The following NEB variants were observed in gnomAD, a reference collection of about 807,000 sequenced individuals.
NEB encodes nebulin, also known as nemaline myopathy type 2.
In NEB, 512 loss-of-function variants were observed where a neutral mutation model predicts 952.2. The ratio of observed to expected loss-of-function variants is 0.54; its 90% CI spans 0.50 to 0.58. The LOEUF (loss-of-function observed/expected upper bound fraction) is 0.58. Ranked by LOEUF, NEB falls within the 20% of genes least tolerant of loss-of-function variation. The probability of loss-of-function intolerance (pLI) is 0.00; values close to 1 mark genes in which losing one functional copy is unlikely to be tolerated. For missense variants in NEB, 8,428 were observed against 9,231.1 expected (o/e 0.91, Z 3.56); for synonymous variants, 2,900 against 3,149.8 (o/e 0.92, Z 2.66).
intron 31 of NEB, 45 bp from the exon 32 acceptor site, chr2:151,679,873 G>C: frequency 1.2e-6 from 2 of 1,605,824 alleles, no homozygotes; most frequent in Non-Finnish European, 8.5e-7. Flanking sequence ...GACTGTGTTA[G>C]TAAAGTCTGG....
chr2:151,516,676 C>T (rs1575823619), intron 156 of NEB, 113 bp from the exon 157 acceptor site: 1 of 727,776 alleles, frequency 1.4e-6, no homozygotes, highest in Non-Finnish European at 2.4e-6. Flanking sequence ...CATCTCATTG[C>T]CACTCAAAAC....
chr2:151,682,843 CA>C, intron 28 of NEB, 74 bp from the exon 29 acceptor site: 1 of 1,302,344 alleles, frequency 7.7e-7, no homozygotes, highest in Non-Finnish European at 1.1e-6. Flanking sequence ...AAGTTTTACC[CA>C]AAACAATGTT....
chr2:151,628,551 G>A (rs1261642888), intron 68 of NEB, among the ~76,000 whole-genome samples: 2 of 152,060 alleles, frequency 1.3e-5, no homozygotes, highest in Non-Finnish European at 2.9e-5. Context: ...ACAGAAGTCC[G>A]AATTTTCAGC....
chr2:151,505,889 A>C, intron 164 of NEB: 2 of 542,940 alleles, frequency 3.7e-6, no homozygotes, highest in Non-Finnish European at 3.3e-6. Context: ...AGATTGACAT[A>C]CATATATCCA....
intron 116 of NEB, among the ~76,000 whole-genome samples, 153 bp from the exon 117 acceptor site, chr2:151,565,301 G>A (rs180820209): frequency 9.3e-4 from 142 of 152,206 alleles, no homozygotes; most frequent in African/African-American, 3.2e-3. Context: ...GAATAATTTG[G>A]ATAGGAATAT....
chr2:151,639,217 C>T, intron 63 of NEB, 63 bp downstream of exon 63: 2 of 1,260,830 alleles, frequency 1.6e-6, no homozygotes, highest in South Asian at 1.3e-5. Flanking sequence ...GGTATCATGT[C>T]ATCATAGAGT....
intron 134 of NEB, 66 bp downstream of exon 134, chr2:151,546,279 G>A: frequency 7.9e-7 from 1 of 1,272,852 alleles, no homozygotes; most frequent in Non-Finnish European, 1.1e-6. Flanking sequence ...CCTAGCCCTG[G>A]AGGCTGGTGA....
intron 70 of NEB, among the ~76,000 whole-genome samples, chr2:151,626,369 C>T (rs2098525186): frequency 6.6e-6 from 1 of 152,172 alleles, no homozygotes; most frequent in African/African-American, 2.4e-5. Context: ...CCCACCTCAG[C>T]CTCCCAAAAG....
rs763991246 is a variant in NEB, at chr2:151,505,479, G to A, written c.23741C>T (p.Ser7914Leu). Residue 7914 changes from serine (S) to leucine (L), a missense_variant and splice_region_variant, in exon 165 of 182, where the codon TCG becomes TTG. This residue lies in a region of NEB where 3,374 missense variants were observed against 3,651.5 expected (regional missense o/e 0.92). Transcript: ENST00000397345. ...GGAAGCTGAGAGTATGGCCACTACC[G>A]AGCTAATGTGCTTCTGCGTCTCCTT... is the stretch of plus-strand genomic sequence containing the variant. Reference protein sequence around the residue: ...RVKETQKHISSVMYKENLGTG... With the variant: ...RVKETQKHISLVMYKENLGTG... The A allele has an allele frequency of 8.7e-6, 14 of 1,613,074 alleles. No homozygotes were observed. In the East Asian group the frequency reaches 2.2e-4, roughly 26 times the overall value.
chr2:151,677,922 G>T lies in NEB; in HGVS notation c.3521C>A (p.Ala1174Asp). 6.2e-7 allele frequency: 1 copy of T among 1,613,622 alleles called. No individual in the cohort carries two copies. Among genetic ancestry groups the T allele is most frequent in the South Asian group, 1.1e-5 (1 of 91,040 alleles). Residue 1174 changes from alanine to aspartate, a missense_variant, in exon 33 of 182, where the codon GCC becomes GAC. This residue lies in a region of NEB where 2,851 missense variants were observed against 2,791.5 expected (regional missense o/e 1.02). Coordinates refer to ENST00000397345, the MANE Select transcript of NEB (RefSeq NM_001164508.2). ...SLHHYTYLPDAMDLELSKNMM... is the reference protein window; with the variant it reads ...SLHHYTYLPDDMDLELSKNMM... ...GTTCTTAGACAGCTCCAGGTCCATGGCGTCAGGCAAGTAGGTGTAATGATG... is the reference window on the plus strand; with the variant it reads ...GTTCTTAGACAGCTCCAGGTCCATGTCGTCAGGCAAGTAGGTGTAATGATG...
At chr2:151,675,239 T>C (rs758539066) in intron 35 of NEB, 48 bp downstream of exon 35, 1 of 1,322,346 alleles carries the variant, frequency 7.6e-7, no homozygotes, top group Non-Finnish European at 1.1e-6. Context: ...AAGTCTATAA[T>C]TTTATTGTCA....
chr2:151,507,226 T>C, intron 162 of NEB: 1 of 485,566 alleles, frequency 2.1e-6, no homozygotes, highest in South Asian at 2.6e-5. Flanking sequence ...GGTTTGTTTT[T>C]GTTTAAGTAT....
chr2:151,665,846 A>T (rs2154178101), intron 41 of NEB, among the ~76,000 whole-genome samples: 1 of 152,242 alleles, frequency 6.6e-6, no homozygotes, highest in African/African-American at 2.4e-5. Context: ...GAGCCTCCTA[A>T]TTTTTCATAG....
intron 159 of NEB, 117 bp from the exon 160 acceptor site, chr2:151,513,810 G>A (rs921636327): frequency 6.2e-5 from 45 of 726,108 alleles, no homozygotes; most frequent in African/African-American, 5.1e-4. Flanking sequence ...AGATAGTGTC[G>A]CTTGCTACTC....
chr2:151,704,404 G>T (rs1428368244), intron 13 of NEB, among the ~76,000 whole-genome samples: 2 of 146,698 alleles, frequency 1.4e-5, no homozygotes, highest in Admixed American at 1.4e-4. Flanking sequence ...CGAGCTTCCC[G>T]GCTGCTTTGT....
Position 151,521,792 on chromosome 2 carries a change from A to G in NEB, c.22480-2024T>C, listed in dbSNP as rs147369976. 2.3e-3 allele frequency among the ~76,000 whole-genome samples: 345 copies of G among 152,296 alleles called. 8 individuals are homozygous for G. In the East Asian group the frequency reaches 0.044, roughly 20 times the overall value. On this transcript the variant is annotated intron_variant, in intron 153 of 181. Transcript: ENST00000397345. ...AAAAAGTTATGGCTCCCTTCTCCAT[A>G]GGAAGTCCTCTAAACAAATGCAGCT...
chr2:151,731,397 G>C (rs559556429), intron 3 of NEB, among the ~76,000 whole-genome samples: 1 of 152,260 alleles, frequency 6.6e-6, no homozygotes, highest in South Asian at 2.1e-4. Context: ...AGATGTCCAA[G>C]ATCCCAAGGA....
intron 153 of NEB, among the ~76,000 whole-genome samples, chr2:151,522,478 T>C (rs988194697): frequency 6.6e-6 from 1 of 152,222 alleles, no homozygotes; most frequent in African/African-American, 2.4e-5. Context: ...AACATACACA[T>C]ACATTAGGAG....
At chr2:151,619,828 G>A in intron 72 of NEB, 66 bp from the exon 73 acceptor site, 1 of 1,484,968 alleles carries the variant, frequency 6.7e-7, no homozygotes, top group East Asian at 2.3e-5. Flanking sequence ...TTCTTTCTGT[G>A]GTGGTGCTTT....
Sources: gnomAD v4.1 joint callset for allele counts (sites outside exome capture counted in the v4.1 genomes callset) on GRCh38, gnomAD v4.1.1 for gene constraint, gnomAD v4.1.1 regional missense constraint, MANE v1.5 for transcripts, NCBI Gene and HGNC (gene_info 2026-07-23, HGNC 2026-07-21) for gene names.